MGAT4C: variants seen among roughly 807,000 people sequenced by gnomAD.
The protein encoded by MGAT4C is MGAT4 family member C, also known as alpha-1,3-mannosyl-glycoprotein 4-beta-N-acetylglucosaminyltransferase C.
A neutral mutation model predicts 40.1 loss-of-function variants in MGAT4C; 19 were observed. The observed-to-expected ratio is 0.47, with a 90% CI of 0.33 to 0.70. The LOEUF is 0.70. MGAT4C is among the 30% of genes least tolerant of loss of function. The probability of loss-of-function intolerance (pLI) is 0.02; values close to 1 mark genes in which losing one functional copy is unlikely to be tolerated. For missense variants in MGAT4C, 491 were observed against 563.2 expected, an observed-to-expected ratio of 0.87 and a Z score of 1.30; for synonymous variants, 181 against 187.1, an observed-to-expected ratio of 0.97 and a Z score of 0.27.
At chr12:86,452,546 G>A (rs1340030751) in intron 2 of MGAT4C, among the ~76,000 whole-genome samples, 1 of 151,712 alleles carries the variant, frequency 6.6e-6, no homozygotes, top group African/African-American at 2.4e-5. Context: ...TTTAGGGGGT[G>A]GAAAATGCCT....
At position 86,742,350 on chromosome 12, in the gene MGAT4C, A is replaced by G. The variant is rs1951081424; in HGVS notation, c.-261-15109T>C. On this transcript the variant is annotated intron_variant, in intron 1 of 7. Coordinates refer to the MGAT4C transcript ENST00000548651. ...GTAGAGTATACTTCCTTAATTGATT[A>G]ATATTAAGCATGGCTCTTTAACTTG... is the stretch of plus-strand genomic sequence containing the variant. Among the ~76,000 whole-genome samples, 4 of 151,654 alleles carry G rather than the reference A, an allele frequency of 2.6e-5. No individual in the cohort carries two copies. The South Asian group carries it at 8.3e-4, about 31-fold the overall frequency.
chr12:86,346,712 A>C (rs916684456), intron 3 of MGAT4C, among the ~76,000 whole-genome samples: 2 of 152,110 alleles, frequency 1.3e-5, no homozygotes, highest in African/African-American at 4.8e-5. Flanking sequence ...GATTGGATTG[A>C]AGGATGCGAA....
At chr12:86,081,422 T>C (rs1057164261) in intron 1 of MGAT4C, among the ~76,000 whole-genome samples, 3 of 152,154 alleles carry the variant, frequency 2.0e-5, no homozygotes, top group African/African-American at 7.2e-5. Flanking sequence ...TAATCTCCTA[T>C]AGATGCTGTT....
At chr12:86,147,477 G>A (rs1482601554) in intron 1 of MGAT4C, among the ~76,000 whole-genome samples, 1 of 152,140 alleles carries the variant, frequency 6.6e-6, no homozygotes, top group Non-Finnish European at 1.5e-5. Flanking sequence ...TCCTGACCTC[G>A]TGATCCACCC....
intron 2 of MGAT4C, among the ~76,000 whole-genome samples, chr12:86,484,855 G>A (rs1261613259): frequency 2.0e-5 from 3 of 152,108 alleles, no homozygotes; most frequent in Admixed American, 1.3e-4. Flanking sequence ...GTGGGGTCAG[G>A]TCTTTCCCCA....
At chr12:86,633,190 A>C (rs1963117289) in intron 2 of MGAT4C, among the ~76,000 whole-genome samples, 1 of 152,066 alleles carries the variant, frequency 6.6e-6, no homozygotes, top group Admixed American at 6.6e-5. Context: ...CTGAGAACAT[A>C]ATAGAAGATT....
intron 1 of MGAT4C, among the ~76,000 whole-genome samples, chr12:86,817,078 A>G (rs1209035552): frequency 6.6e-6 from 1 of 150,638 alleles, no homozygotes; most frequent in Non-Finnish European, 1.5e-5. Flanking sequence ...CCATTGAATT[A>G]TACATGTTAC....
chr12:86,086,157 T>C (rs1415616008), intron 1 of MGAT4C, among the ~76,000 whole-genome samples: 2 of 152,252 alleles, frequency 1.3e-5, no homozygotes, highest in Non-Finnish European at 1.5e-5. Context: ...CCATCAATGT[T>C]AGACTGCATA....
At chr12:86,805,982 T>C (rs988813705) in intron 1 of MGAT4C, among the ~76,000 whole-genome samples, 2 of 151,990 alleles carry the variant, frequency 1.3e-5, no homozygotes, top group African/African-American at 4.8e-5. Flanking sequence ...ATGTTAAACA[T>C]TTTTTCATAA....
chr12:86,666,901 AT>A (rs1424560446), intron 2 of MGAT4C, among the ~76,000 whole-genome samples: 1 of 152,130 alleles, frequency 6.6e-6, no homozygotes, highest in Non-Finnish European at 1.5e-5. Flanking sequence ...CTTTATTCAA[AT>A]TTACTTTTAT....
chr12:86,548,329 G>T (rs1177385872), intron 2 of MGAT4C, among the ~76,000 whole-genome samples: 1 of 151,942 alleles, frequency 6.6e-6, no homozygotes, highest in Non-Finnish European at 1.5e-5. Flanking sequence ...TAATATTTGA[G>T]AACTTAAGAT....
chr12:86,424,693 A>G (rs1203293219), intron 3 of MGAT4C, among the ~76,000 whole-genome samples: 2 of 152,206 alleles, frequency 1.3e-5, no homozygotes, highest in African/African-American at 4.8e-5. Context: ...GCACTATTCT[A>G]AGAACAAATT....
At chr12:86,411,660 C>T (rs747033588) in intron 3 of MGAT4C, among the ~76,000 whole-genome samples, 2 of 152,134 alleles carry the variant, frequency 1.3e-5, no homozygotes, top group Non-Finnish European at 2.9e-5. Context: ...GGAAAAATTG[C>T]AGCCTGGCCA....
intron 1 of MGAT4C, among the ~76,000 whole-genome samples, chr12:86,136,299 C>T (rs839138): frequency 0.86 from 131,274 of 152,142 alleles, 56,871 homozygotes; most frequent in East Asian, 1. Context: ...TTATGTAGCT[C>T]ACATTCTACT....
intron 1 of MGAT4C, among the ~76,000 whole-genome samples, chr12:86,122,736 CAT>C (rs1300453454): frequency 9.2e-5 from 14 of 151,888 alleles, no homozygotes; most frequent in African/African-American, 3.1e-4. Context: ...TAAGCAGAAA[CAT>C]ATGAAAATAC....
intron 2 of MGAT4C, among the ~76,000 whole-genome samples, chr12:86,527,055 T>G (rs573273908): frequency 9.2e-5 from 14 of 152,306 alleles, no homozygotes; most frequent in Non-Finnish European, 1.8e-4. Flanking sequence ...CCACTCTTGG[T>G]GCATTCCTTC....
At chr12:86,246,397 AG>A (rs2136061491) in intron 1 of MGAT4C, among the ~76,000 whole-genome samples, 1 of 151,918 alleles carries the variant, frequency 6.6e-6, no homozygotes, top group African/African-American at 2.4e-5. Flanking sequence ...TCATTCCAGA[AG>A]GTTTCTTTGT....
chr12:86,224,496 T>C (rs1227010855), intron 1 of MGAT4C, among the ~76,000 whole-genome samples: 2 of 152,162 alleles, frequency 1.3e-5, no homozygotes, highest in African/African-American at 4.8e-5. Flanking sequence ...AACTGCAGAA[T>C]ATACAGTCAT....
At chr12:86,475,721 G>C (rs1957824599) in intron 2 of MGAT4C, among the ~76,000 whole-genome samples, 1 of 151,978 alleles carries the variant, frequency 6.6e-6, no homozygotes, top group Non-Finnish European at 1.5e-5. Context: ...AATTAAAAAT[G>C]TGATAGCCAA....
Sources: allele counts gnomAD v4.1 joint callset (sites outside exome capture counted in the v4.1 genomes callset), GRCh38; gene constraint gnomAD v4.1.1; transcripts MANE v1.5; gene names NCBI Gene and HGNC (gene_info 2026-07-23, HGNC 2026-07-21).